The following PPP2R2B variants were observed in gnomAD, a reference collection of about 807,000 sequenced individuals.
The protein encoded by PPP2R2B is serine/threonine-protein phosphatase 2A 55 kDa regulatory subunit B beta isoform.
Under a neutral mutation model 46.0 loss-of-function variants are expected in PPP2R2B, and 5 were observed. That is an observed-to-expected ratio of 0.11 (90% CI 0.06 to 0.23). The LOEUF (loss-of-function observed/expected upper bound fraction) is 0.23, where lower values mean the gene tolerates loss of function less well. PPP2R2B is among the 10% of genes least tolerant of loss of function. The probability of loss-of-function intolerance (pLI) is 1.00; values close to 1 mark genes in which losing one functional copy is unlikely to be tolerated. For synonymous variants in PPP2R2B, 215 were observed against 206.7 expected (o/e 1.04, Z -0.34); for missense variants, 367 against 575.0 (o/e 0.64, Z 3.70).
intron 1 of PPP2R2B, among the ~76,000 whole-genome samples, chr5:146,991,918 A>G (rs936436804): frequency 4.6e-5 from 7 of 152,144 alleles, no homozygotes; most frequent in Non-Finnish European, 1.0e-4. Flanking sequence ...GATTGGAAAT[A>G]TTAATATTAT....
chr5:146,977,582 G>A lies in PPP2R2B; in HGVS notation c.79+78083C>T, dbSNP rs527530118. Reference sequence around the variant, plus strand: ...GATGTTCCCCTCACTGTGTCCATGTGTTCTCACTGTTCAACTCCCACTTAT... The same window carrying A: ...GATGTTCCCCTCACTGTGTCCATGTATTCTCACTGTTCAACTCCCACTTAT... On this transcript the variant is annotated intron_variant, in intron 1 of 8. Transcript: ENST00000336640. Among the ~76,000 whole-genome samples, 14 of 152,116 alleles carry A rather than the reference G, an allele frequency of 9.2e-5. No homozygotes were observed. The East Asian group carries it at 2.7e-3, about 29-fold the overall frequency.
intron 2 of PPP2R2B, among the ~76,000 whole-genome samples, chr5:146,846,662 A>G (rs543686821): frequency 6.6e-6 from 1 of 151,096 alleles, no homozygotes; most frequent in East Asian, 2.0e-4. Flanking sequence ...TGGGCAACAG[A>G]GAGAGACTCT....
At chr5:146,961,064 T>G (rs1457243743) in intron 1 of PPP2R2B, among the ~76,000 whole-genome samples, 1 of 152,224 alleles carries the variant, frequency 6.6e-6, no homozygotes, top group African/African-American at 2.4e-5. Flanking sequence ...TTACCATTGT[T>G]GTTTAAAGAA....
upstream of PPP2R2B, among the ~76,000 whole-genome samples, chr5:146,879,966 A>G (rs1335842657): frequency 6.6e-6 from 1 of 152,228 alleles, no homozygotes; most frequent in African/African-American, 2.4e-5. Flanking sequence ...AGTTAATTAT[A>G]TACATACAAT....
chr5:147,034,471 G>A (rs754874429), intron 1 of PPP2R2B, among the ~76,000 whole-genome samples: 13 of 151,954 alleles, frequency 8.6e-5, no homozygotes, highest in South Asian at 4.1e-4. Flanking sequence ...GTGGAATATC[G>A]CAGTGAATGA....
chr5:146,921,541 C>A (rs141419491), intron 1 of PPP2R2B, among the ~76,000 whole-genome samples: 2 of 152,174 alleles, frequency 1.3e-5, no homozygotes, highest in East Asian at 3.8e-4. Flanking sequence ...CTTAAGATTT[C>A]GTTTCTTAGA....
At chr5:146,697,254 T>G (rs1779227535) in intron 4 of PPP2R2B, among the ~76,000 whole-genome samples, 1 of 152,240 alleles carries the variant, frequency 6.6e-6, no homozygotes, top group South Asian at 2.1e-4. Context: ...AACATGTGAC[T>G]TTATGCCAAG....
chr5:146,603,570 C>A (rs576625285), intron 7 of PPP2R2B, among the ~76,000 whole-genome samples: 1 of 152,268 alleles, frequency 6.6e-6, no homozygotes, highest in East Asian at 1.9e-4. Context: ...GGGCAAGGTA[C>A]AGATAACATA....
chr5:146,841,269 G>T (rs750041548), intron 2 of PPP2R2B, among the ~76,000 whole-genome samples: 17 of 152,092 alleles, frequency 1.1e-4, no homozygotes, highest in Non-Finnish European at 2.2e-4. Context: ...TTTTACTTGG[G>T]TCCCATCTCA....
intron 1 of PPP2R2B, among the ~76,000 whole-genome samples, chr5:146,897,162 G>A (rs993086286): frequency 6.6e-6 from 1 of 152,142 alleles, no homozygotes; most frequent in African/African-American, 2.4e-5. Context: ...GGTAAGTGGA[G>A]GAATGATGAC....
chr5:147,071,819 T>C (rs1757609678), intron 2 of PPP2R2B, among the ~76,000 whole-genome samples: 1 of 152,218 alleles, frequency 6.6e-6, no homozygotes, highest in Admixed American at 6.5e-5. Flanking sequence ...CCCTCCACTA[T>C]TGAATCTCCA....
chr5:146,704,391 A>G (rs932016286), intron 2 of PPP2R2B, among the ~76,000 whole-genome samples: 5 of 152,260 alleles, frequency 3.3e-5, no homozygotes, highest in African/African-American at 9.6e-5. Context: ...AAATCAATTC[A>G]TCAAGTTCAA....
chr5:146,713,022 C>A (rs1244731541), intron 2 of PPP2R2B, among the ~76,000 whole-genome samples: 2 of 152,096 alleles, frequency 1.3e-5, no homozygotes, highest in Non-Finnish European at 2.9e-5. Flanking sequence ...AAAAGAAAAT[C>A]ATCAATGAAC....
chr5:146,900,442 C>G (rs1409463029), intron 1 of PPP2R2B, among the ~76,000 whole-genome samples: 1 of 152,168 alleles, frequency 6.6e-6, no homozygotes, highest in Non-Finnish European at 1.5e-5. Context: ...GTCATTGTTG[C>G]TACCTTGGCA....
At chr5:147,077,132 TG>T (rs1317929386) in intron 2 of PPP2R2B, among the ~76,000 whole-genome samples, 19 of 147,892 alleles carry the variant, frequency 1.3e-4, no homozygotes, top group African/African-American at 3.9e-4. Context: ...ATATTGTATA[TG>T]TATTATATGT....
At chr5:147,043,662 A>T (rs1756416519) in intron 1 of PPP2R2B, among the ~76,000 whole-genome samples, 1 of 152,306 alleles carries the variant, frequency 6.6e-6, no homozygotes, top group East Asian at 1.9e-4. Flanking sequence ...ACTTTGCTGC[A>T]TGCTCAGTAT....
At position 146,650,614 on chromosome 5, in the gene PPP2R2B, T is replaced by C; in HGVS notation, c.558A>G (p.Glu186=). Reference sequence around the variant, plus strand: ...TCAGGTCATCAGCGGACATGTAGGTTTCATAGTCGCTGTTGACAGATATGG... The same window carrying C: ...TCAGGTCATCAGCGGACATGTAGGTCTCATAGTCGCTGTTGACAGATATGG... ...INSISVNSDY[E]TYMSADDLRI... The change falls in exon 6 of 10, where the codon GAA becomes GAG. Residue 186 remains glutamate, a synonymous_variant. Transcript: ENST00000394411. 6.2e-7 allele frequency: 1 copy of C among 1,614,060 alleles called. No homozygotes were observed. The highest frequency in any genetic ancestry group is 8.5e-7 in the Non-Finnish European group (1 of 1,179,986).
intron 1 of PPP2R2B, among the ~76,000 whole-genome samples, chr5:146,935,778 T>A (rs1764119464): frequency 6.6e-6 from 1 of 152,112 alleles, no homozygotes; most frequent in Non-Finnish European, 1.5e-5. Flanking sequence ...GTAGAAAACA[T>A]GGCTAGAGGA....
chr5:146,869,044 G>A (rs1761468652), intron 2 of PPP2R2B, among the ~76,000 whole-genome samples: 3 of 152,270 alleles, frequency 2.0e-5, no homozygotes, highest in East Asian at 3.9e-4. Flanking sequence ...TGCACAGAAA[G>A]CCCTCCATAA....
Sources: allele counts gnomAD v4.1 joint callset (sites outside exome capture counted in the v4.1 genomes callset), GRCh38; gene constraint gnomAD v4.1.1; transcripts MANE v1.5; gene names NCBI Gene and HGNC (gene_info 2026-07-23, HGNC 2026-07-21).